The following CTNNBIP1 variants were observed in gnomAD, a reference collection of about 807,000 sequenced individuals.
CTNNBIP1 encodes the protein catenin beta interacting protein 1, also known as beta-catenin-interacting protein 1.
CTNNBIP1 carries 7 observed loss-of-function variants against 11.8 expected under a neutral mutation model. That is an observed-to-expected ratio of 0.60 (90% CI 0.34 to 1.12). CTNNBIP1 has a LOEUF of 1.12. Among genes scored for constraint, CTNNBIP1 ranks in the 50% most tolerant of loss-of-function variants. The pLI is 0.03. For missense variants in CTNNBIP1, 101 were observed against 113.4 expected (o/e 0.89, Z 0.50); for synonymous variants, 58 against 43.9 (o/e 1.32, Z -1.26).
intron 5 of CTNNBIP1, among the ~76,000 whole-genome samples, chr1:9,859,427 G>A (rs1324991284): frequency 1.3e-5 from 2 of 152,198 alleles, no homozygotes; most frequent in African/African-American, 2.4e-5. Context: ...AGCTCAGGAT[G>A]AACTCCCACC....
At chr1:9,904,542 G>A (rs571424215) in intron 1 of CTNNBIP1, among the ~76,000 whole-genome samples, 87 of 152,230 alleles carry the variant, frequency 5.7e-4, no homozygotes, top group Non-Finnish European at 7.2e-4. Flanking sequence ...TCAAACAGGA[G>A]ATGGTCAGAG....
chr1:9,903,000 C>G lies in CTNNBIP1; in HGVS notation c.-144+7095G>C, dbSNP rs6689958. Among the ~76,000 whole-genome samples, 534 of 152,272 alleles carry G rather than the reference C, an allele frequency of 3.5e-3. 2 individuals carry two copies. The highest frequency in any genetic ancestry group is 0.012 in the African/African-American group (515 of 41,560). ...CAAGATGGTCTCAATCTCCTGACCT[C>G]GTGATCCGCCTGCCTTGGCCTCCCA... On this transcript the variant is annotated intron_variant, in intron 1 of 5. Coordinates refer to ENST00000377263, the MANE Select transcript of CTNNBIP1 (RefSeq NM_020248.3).
chr1:9,902,521 G>A (rs981892848), intron 1 of CTNNBIP1, among the ~76,000 whole-genome samples: 4 of 152,076 alleles, frequency 2.6e-5, no homozygotes, highest in South Asian at 2.1e-4. Flanking sequence ...TACAGGACAC[G>A]GAAGGGCTCT....
At position 9,851,976 on chromosome 1, in the gene CTNNBIP1, A is replaced by G. The variant is rs1638397125; in HGVS notation, c.188-1200T>C. Among the ~76,000 whole-genome samples, 1 of 152,136 alleles carries G rather than the reference A, an allele frequency of 6.6e-6. No homozygotes were observed. The highest frequency in any genetic ancestry group is 1.5e-5 in the Non-Finnish European group (1 of 68,022). On this transcript the variant is annotated intron_variant, in intron 5 of 5. Transcript: ENST00000377263. The surrounding 1 kb of genome is among the most constrained non-coding windows in gnomAD (Gnocchi z 4.8). ...AGGCCAGATCTTCACTTTGCCCCGA[A>G]AAGTACCAGTCTGGCTGCCCATGGT...
intron 5 of CTNNBIP1, among the ~76,000 whole-genome samples, chr1:9,859,045 C>T (rs915003633): frequency 6.6e-6 from 1 of 152,150 alleles, no homozygotes; most frequent in African/African-American, 2.4e-5. Context: ...CCCAGGGACA[C>T]CTTGGAGATA....
chr1:9,874,292 T>C (rs1638921103), intron 3 of CTNNBIP1, among the ~76,000 whole-genome samples: 1 of 152,118 alleles, frequency 6.6e-6, no homozygotes, highest in Non-Finnish European at 1.5e-5. Flanking sequence ...TGGCAGTTGC[T>C]CTGGTGCCCA....
chr1:9,854,940 G>T (rs547919710), intron 5 of CTNNBIP1, among the ~76,000 whole-genome samples: 1 of 152,300 alleles, frequency 6.6e-6, no homozygotes, highest in Non-Finnish European at 1.5e-5. Flanking sequence ...GCCTCCCAAA[G>T]TGCTGGGATT....
intron 1 of CTNNBIP1, among the ~76,000 whole-genome samples, chr1:9,890,682 C>G (rs1639283060): frequency 6.6e-6 from 1 of 152,202 alleles, no homozygotes; most frequent in Non-Finnish European, 1.5e-5. Context: ...AGCGCCCCCT[C>G]ACTCCTGGGT....
intron 5 of CTNNBIP1, among the ~76,000 whole-genome samples, chr1:9,852,231 G>A (rs930236757): frequency 3.9e-5 from 6 of 152,176 alleles, no homozygotes; most frequent in African/African-American, 1.4e-4. Context: ...TACCAAGAGA[G>A]GGAGGACGCA....
chr1:9,895,302 G>C (rs1473597225), intron 1 of CTNNBIP1, among the ~76,000 whole-genome samples: 1 of 147,598 alleles, frequency 6.8e-6, no homozygotes, highest in African/African-American at 2.5e-5. Flanking sequence ...GGGTTCCAGC[G>C]ATTCTCCCAC....
chr1:9,873,352 G>A (rs1339406737), intron 3 of CTNNBIP1, among the ~76,000 whole-genome samples: 1 of 152,124 alleles, frequency 6.6e-6, no homozygotes, highest in African/African-American at 2.4e-5. Flanking sequence ...TGGGAGCTAG[G>A]AAAGAGGAGT....
intron 2 of CTNNBIP1, among the ~76,000 whole-genome samples, chr1:9,879,402 A>G (rs1639037214): frequency 6.6e-6 from 1 of 152,118 alleles, no homozygotes; most frequent in Non-Finnish European, 1.5e-5. Flanking sequence ...CGATGACCCA[A>G]GGGGCTGAGG....
Position 9,910,263 on chromosome 1 carries a change from T to A in CTNNBIP1, c.-312A>T, listed in dbSNP as rs1639710049. ...CCTCCCGCTCCGAGAGTCACCGCGG[T>A]GGGGAGGGAGGGAGGCGCCAGGCCG... is the stretch of plus-strand genomic sequence containing the variant. On this transcript the variant is annotated 5_prime_UTR_variant, in exon 1 of 6. Coordinates refer to ENST00000377263, the MANE Select transcript of CTNNBIP1 (RefSeq NM_020248.3). 1 of 145,038 alleles carries A rather than the reference T, an allele frequency of 6.9e-6. No individual in the cohort carries two copies. 9.0% of individuals were successfully genotyped at this position (145,038 alleles called of 1,614,324 possible). A position where few individuals can be genotyped will look rare whatever the true frequency, so the allele number is the denominator to read the frequency against.
chr1:9,909,191 C>T (rs905128877), intron 1 of CTNNBIP1, among the ~76,000 whole-genome samples: 1 of 152,212 alleles, frequency 6.6e-6, no homozygotes, highest in African/African-American at 2.4e-5. Context: ...ACCCACACAC[C>T]CTGTACCTCA....
intron 5 of CTNNBIP1, among the ~76,000 whole-genome samples, chr1:9,861,077 C>G (rs1049609662): frequency 6.6e-6 from 1 of 152,210 alleles, no homozygotes; most frequent in Non-Finnish European, 1.5e-5. Context: ...CCACATGCTC[C>G]CAAGTGTCCA....
intron 1 of CTNNBIP1, among the ~76,000 whole-genome samples, chr1:9,890,994 A>G (rs1639290291): frequency 6.6e-6 from 1 of 152,204 alleles, no homozygotes; most frequent in African/African-American, 2.4e-5. Flanking sequence ...AGAGAGTGCG[A>G]TCAGACTGGA....
intron 1 of CTNNBIP1, among the ~76,000 whole-genome samples, chr1:9,898,838 C>A (rs1350788131): frequency 6.6e-6 from 1 of 152,130 alleles, no homozygotes; most frequent in Non-Finnish European, 1.5e-5. Context: ...AGATTATTCA[C>A]AGTACCTGAT....
rs140847021 is a variant in CTNNBIP1, at chr1:9,895,109, G to A, written c.-143-11371C>T. On this transcript the variant is annotated intron_variant, in intron 1 of 5. Coordinates refer to ENST00000377263, the MANE Select transcript of CTNNBIP1 (RefSeq NM_020248.3). ...TTTTTAGTAGAGACAGGGTTTCACC[G>A]TGTTAGCCAAGATGGTCTCGATCTC... 4.7e-3 allele frequency among the ~76,000 whole-genome samples: 708 copies of A among 151,618 alleles called. 4 individuals carry two copies. The highest frequency in any genetic ancestry group is 0.023 in the East Asian group (120 of 5,124).
intron 1 of CTNNBIP1, among the ~76,000 whole-genome samples, chr1:9,897,312 G>A: frequency 6.6e-6 from 1 of 152,174 alleles, no homozygotes; most frequent in South Asian, 2.1e-4. Flanking sequence ...AAATTAGCCA[G>A]ATGTGGTGGC....
Sources: gnomAD v4.1 joint callset for allele counts (sites outside exome capture counted in the v4.1 genomes callset) on GRCh38, gnomAD v4.1.1 for gene constraint, Gnocchi (gnomAD v3.1) non-coding constraint, MANE v1.5 for transcripts, NCBI Gene and HGNC (gene_info 2026-07-23, HGNC 2026-07-21) for gene names.